ARSJ: variants seen among roughly 807,000 people sequenced by gnomAD.
ARSJ encodes arylsulfatase family member J, also known as arylsulfatase J.
In ARSJ, 26 loss-of-function variants were observed where a neutral mutation model predicts 35.9. The observed-to-expected ratio is 0.72, with a 90% confidence interval of 0.53 to 1.00. ARSJ has a LOEUF of 1.00. Among genes scored for constraint, ARSJ ranks in the 50% least tolerant of loss-of-function variants. ARSJ has a pLI of 0.00. For missense variants in ARSJ, 667 were observed against 723.6 expected, an observed-to-expected ratio of 0.92 and a Z score of 0.90; for synonymous variants, 294 against 267.6, an observed-to-expected ratio of 1.10 and a Z score of -0.96.
chr4:113,902,404 T>C lies in ARSJ; in HGVS notation c.1670A>G (p.Glu557Gly). ...NGGVWGPWYK[E>G]ETKKKKPSKN... is the part of the protein sequence containing the mutation. ...GCTTGGCTTCTTTTTCTTGGTTTCCTCTTTATACCATGGTCCCCAGACCCC... is the reference window on the plus strand; with the variant it reads ...GCTTGGCTTCTTTTTCTTGGTTTCCCCTTTATACCATGGTCCCCAGACCCC... Residue 557 changes from glutamate (E) to glycine (G), a missense_variant, in exon 2 of 2, where the codon GAG becomes GGG. Physicochemically the swap from Glu to Gly is moderately conservative, Grantham distance 98 (BLOSUM62 -2). Transcript: ENST00000315366. 6.2e-7 allele frequency: 1 copy of C among 1,614,038 alleles called. No homozygotes were observed. The highest frequency in any genetic ancestry group is 8.5e-7 in the Non-Finnish European group (1 of 1,179,968).
At chr4:113,914,112 T>G (rs1309813759) in intron 1 of ARSJ, among the ~76,000 whole-genome samples, 1 of 152,072 alleles carries the variant, frequency 6.6e-6, no homozygotes, top group Non-Finnish European at 1.5e-5. Context: ...TAGCTGGGAT[T>G]ACAGGCACCC....
intron 1 of ARSJ, among the ~76,000 whole-genome samples, chr4:113,929,591 C>T (rs572701764): frequency 4.8e-4 from 73 of 152,242 alleles, no homozygotes; most frequent in Non-Finnish European, 8.1e-4. Flanking sequence ...CCAATCAATG[C>T]CCTCACTTTA....
chr4:113,931,168 A>C (rs1335223951), intron 1 of ARSJ, among the ~76,000 whole-genome samples: 1 of 150,790 alleles, frequency 6.6e-6, no homozygotes, highest in East Asian at 1.9e-4. Flanking sequence ...TAAAACATAA[A>C]GTATAATTTA....
At chr4:113,927,481 A>T (rs570962831) in intron 1 of ARSJ, among the ~76,000 whole-genome samples, 1 of 152,328 alleles carries the variant, frequency 6.6e-6, no homozygotes, top group East Asian at 1.9e-4. Context: ...GAATAAGATT[A>T]TCACACAAAG....
intron 1 of ARSJ, among the ~76,000 whole-genome samples, chr4:113,940,796 AATAAG>A (rs1174150803): frequency 3.3e-5 from 5 of 152,024 alleles, no homozygotes; most frequent in African/African-American, 9.7e-5. Flanking sequence ...AAAATTTTAA[AATAAG>A]ATAATTTTTT....
At chr4:113,919,953 T>A (rs941137268) in intron 1 of ARSJ, among the ~76,000 whole-genome samples, 5 of 151,646 alleles carry the variant, frequency 3.3e-5, no homozygotes, top group African/African-American at 1.2e-4. Context: ...TTAAAGATTT[T>A]TTTTTTTGCA....
chr4:113,939,054 C>A, intron 1 of ARSJ, among the ~76,000 whole-genome samples: 1 of 102,138 alleles, frequency 9.8e-6, no homozygotes, highest in African/African-American at 3.8e-5. Context: ...TAATGCTGTC[C>A]CTCCCCCCTC....
chr4:113,931,464 C>T (rs1724445207), intron 1 of ARSJ, among the ~76,000 whole-genome samples: 1 of 152,020 alleles, frequency 6.6e-6, no homozygotes, highest in South Asian at 2.1e-4. Context: ...CACCTGCTTA[C>T]AATAGAGTAA....
rs756890220 is a variant in ARSJ at position 113,902,673 on chromosome 4, G to T, written c.1401C>A (p.Val467=). ...LTGNPGYSDW[V]PPQSFSNLGP... ...CCAGGTTGCTGAAAGACTGAGGGGG[G>T]ACCCAGTCGCTGTAGCCAGGATTTC... Residue 467 remains valine, a synonymous_variant, in exon 2 of 2, where the codon GTC becomes GTA. Transcript: ENST00000315366. 4 of 1,614,172 alleles carry T rather than the reference G, an allele frequency of 2.5e-6. No individual in the cohort carries two copies. In the South Asian group the frequency reaches 3.3e-5, roughly 13 times the overall value.
intron 1 of ARSJ, among the ~76,000 whole-genome samples, chr4:113,910,766 T>C (rs1267881710): frequency 6.6e-6 from 1 of 152,182 alleles, no homozygotes; most frequent in Non-Finnish European, 1.5e-5. Context: ...CTCCTTCTCC[T>C]ACACTGTGCT....
intron 1 of ARSJ, among the ~76,000 whole-genome samples, chr4:113,954,676 A>C (rs372003353): frequency 4.4e-4 from 67 of 152,094 alleles, no homozygotes; most frequent in African/African-American, 1.5e-3. Context: ...AATAGGTGAT[A>C]ATTTATCTCA....
In ARSJ at chr4:113,903,298, A is replaced by G. The variant is rs2149246435; in HGVS notation, c.776T>C (p.Ile259Thr). The change falls in exon 2 of 2, where the codon ATA (isoleucine) becomes ACA (threonine). Residue 259 changes from isoleucine (I) to threonine (T), a missense_variant. Transcript: ENST00000315366. Reference sequence around the variant, plus strand: ...AGCTTGATAGGCAATATATAAAAATATAGGCTTTGTGGGGTTATGGGAAGC... The same window carrying G: ...AGCTTGATAGGCAATATATAAAAATGTAGGCTTTGTGGGGTTATGGGAAGC... ...ILASHNPTKPIFLYIAYQAVH... is the reference protein window; with the variant it reads ...ILASHNPTKPTFLYIAYQAVH... The G allele has an allele frequency of 6.2e-7, 1 of 1,614,164 alleles. No individual in the cohort carries two copies. Among genetic ancestry groups the G allele is most frequent in the East Asian group, 2.2e-5 (1 of 44,880 alleles).
At chr4:113,961,854 G>GA (rs527260942) in intron 1 of ARSJ, among the ~76,000 whole-genome samples, 1 of 151,760 alleles carries the variant, frequency 6.6e-6, no homozygotes, top group South Asian at 2.1e-4. Flanking sequence ...AAGAGAAAGG[G>GA]AAAAACATGT....
At chr4:113,917,873 A>C (rs1481495969) in intron 1 of ARSJ, among the ~76,000 whole-genome samples, 4 of 152,216 alleles carry the variant, frequency 2.6e-5, no homozygotes, top group Non-Finnish European at 5.9e-5. Context: ...AATTTGCATG[A>C]AATGGGATTA....
intron 1 of ARSJ, among the ~76,000 whole-genome samples, chr4:113,948,600 A>T (rs1246676996): frequency 6.6e-6 from 1 of 151,960 alleles, no homozygotes; most frequent in Non-Finnish European, 1.5e-5. Flanking sequence ...ACACATTGTT[A>T]ATGTTATCAT....
intron 1 of ARSJ, among the ~76,000 whole-genome samples, chr4:113,944,655 CT>C (rs1016080870): frequency 6.6e-6 from 1 of 151,952 alleles, no homozygotes; most frequent in Non-Finnish European, 1.5e-5. Context: ...GGTTGTGAGT[CT>C]TATGATTGAC....
intron 1 of ARSJ, among the ~76,000 whole-genome samples, chr4:113,940,912 T>A (rs771295639): frequency 4.6e-5 from 7 of 151,930 alleles, no homozygotes; most frequent in Non-Finnish European, 7.4e-5. Context: ...GTCTTAGAGG[T>A]CCTCTACACA....
chr4:113,978,143 G>C (rs1727704409), intron 1 of ARSJ, among the ~76,000 whole-genome samples: 1 of 152,172 alleles, frequency 6.6e-6, no homozygotes, highest in South Asian at 2.1e-4. Context: ...TGAAACAGGA[G>C]ACCATTTCTG....
chr4:113,930,311 A>G (rs1209171250), intron 1 of ARSJ, among the ~76,000 whole-genome samples: 1 of 152,138 alleles, frequency 6.6e-6, no homozygotes, highest in Non-Finnish European at 1.5e-5. Flanking sequence ...AGCATGCATC[A>G]TGGGAGAACA....
Sources: gnomAD v4.1 joint callset for allele counts (sites outside exome capture counted in the v4.1 genomes callset) on GRCh38, gnomAD v4.1.1 for gene constraint, MANE v1.5 for transcripts, NCBI Gene and HGNC (gene_info 2026-07-23, HGNC 2026-07-21) for gene names.